The following SLC37A3 variants were observed in gnomAD, a reference collection of about 807,000 sequenced individuals.
SLC37A3 encodes solute carrier family 37 member 3.
Under a neutral mutation model 67.1 loss-of-function variants are expected in SLC37A3, and 51 were observed. The observed-to-expected ratio is 0.76, with a 90% CI of 0.61 to 0.96. The LOEUF (loss-of-function observed/expected upper bound fraction) is 0.96, where lower values mean the gene tolerates loss of function less well. Ranked by LOEUF, SLC37A3 falls within the 40% of genes least tolerant of loss-of-function variation. The pLI is 0.00. For missense variants in SLC37A3, 508 were observed against 603.0 expected (o/e 0.84, Z 1.65); for synonymous variants, 214 against 231.4 (o/e 0.92, Z 0.68).
chr7:140,367,367 C>T (rs1482535654), intron 4 of SLC37A3, among the ~76,000 whole-genome samples: 4 of 151,908 alleles, frequency 2.6e-5, no homozygotes, highest in Admixed American at 6.6e-5. Context: ...AACTAGGAGG[C>T]GGAGGTTGCA....
At chr7:140,382,695 T>C in intron 1 of SLC37A3, 99 bp from the exon 2 acceptor site, 2 of 535,440 alleles carry the variant, frequency 3.7e-6, no homozygotes, top group East Asian at 3.0e-5. Context: ...TCAGGCCTTG[T>C]GGGAAAAAAA....
intron 7 of SLC37A3, among the ~76,000 whole-genome samples, chr7:140,353,057 C>A (rs1205174913): frequency 3.3e-5 from 5 of 152,094 alleles, no homozygotes; most frequent in Non-Finnish European, 7.4e-5. Flanking sequence ...TTCTCACTGA[C>A]CCTAACTACA....
At position 140,335,503 on chromosome 7, in the gene SLC37A3, G is replaced by C. The variant is rs1217465175; in HGVS notation, c.1394C>G (p.Thr465Arg). Residue 465 changes from threonine to arginine, a missense_variant and splice_region_variant, in exon 15 of 15, where the codon ACA becomes AGA. Coordinates refer to ENST00000326232, the MANE Select transcript of SLC37A3 (RefSeq NM_207113.3). ...MWVFYFFILM[T>R]SCTIVFISPL... ...CGAGATAAACACAATTGTACAACTT[G>C]TCTGTAAAGAGAAAATAGTATTAAA... 6.2e-7 allele frequency: 1 copy of C among 1,612,970 alleles called. No homozygotes were observed. The highest frequency in any genetic ancestry group is 1.1e-5 in the South Asian group (1 of 91,082).
intron 4 of SLC37A3, among the ~76,000 whole-genome samples, chr7:140,368,399 C>T (rs889284698): frequency 1.8e-4 from 28 of 152,070 alleles, no homozygotes; most frequent in Non-Finnish European, 3.1e-4. Context: ...AACTCGGTCT[C>T]TACTAAAAAA....
At chr7:140,337,114 AAAAAAG>A (rs1218001176) in intron 14 of SLC37A3, among the ~76,000 whole-genome samples, 164 bp downstream of exon 14, 1 of 149,612 alleles carries the variant, frequency 6.7e-6, no homozygotes. Context: ...AAAAAAAAAA[AAAAAAG>A]AAGAAGAAGA....
At chr7:140,358,516 T>C in intron 6 of SLC37A3, 124 bp downstream of exon 6, 1 of 1,347,012 alleles carries the variant, frequency 7.4e-7, no homozygotes. Flanking sequence ...TGAACAACTC[T>C]GACTTGCTAA....
rs71170987 is a variant in SLC37A3 at position 140,375,174 on chromosome 7, C to CAA, written c.198+5106_198+5107dup. 2.6e-4 allele frequency among the ~76,000 whole-genome samples: 37 copies of CAA among 141,582 alleles called. 1 individual carries two copies. In the South Asian group the frequency reaches 6.4e-3, roughly 25 times the overall value. 92.9% of individuals were successfully genotyped at this position (141,582 alleles called of 152,430 possible). On this transcript the variant is annotated intron_variant, in intron 3 of 14. Transcript: ENST00000326232. ...GCCTCAAAAAAAAAACAAAAAACAA[C>CAA]AAAAAAAAAACAGGCTGGGTGCAGT...
intron 3 of SLC37A3, among the ~76,000 whole-genome samples, chr7:140,374,576 C>T (rs552337119): frequency 6.6e-6 from 1 of 151,982 alleles, no homozygotes; most frequent in Admixed American, 6.6e-5. Context: ...TAATCCAACA[C>T]TCTGGGAGGC....
chr7:140,352,059 C>T lies in SLC37A3; in HGVS notation c.703+3G>A. 3.7e-6 allele frequency: 6 copies of T among 1,610,064 alleles called. No homozygotes were observed. Among genetic ancestry groups the T allele is most frequent in the Non-Finnish European group, 5.1e-6 (6 of 1,178,240 alleles). ...CGGAATAGAAGGGGCGGCTTCTCCTCACCAATTTCTTCTGGTGACACCAGG... is the reference window on the plus strand; with the variant it reads ...CGGAATAGAAGGGGCGGCTTCTCCTTACCAATTTCTTCTGGTGACACCAGG... On this transcript the variant is annotated splice_donor_region_variant and intron_variant, in intron 8 of 14. Transcript: ENST00000326232.
In SLC37A3 at chr7:140,380,314, C is replaced by A. The variant is rs201974188; in HGVS notation, c.166G>T (p.Ala56Ser). The A allele has an allele frequency of 9.9e-5, 160 of 1,613,142 alleles. No individual in the cohort carries two copies. The highest frequency in any genetic ancestry group is 1.6e-4 in the Middle Eastern group (1 of 6,076). The change falls in exon 3 of 15, where the codon GCT becomes TCT. Residue 56 changes from alanine to serine, a missense_variant. By Grantham distance (99) the Ala-to-Ser change is moderately conservative. Coordinates refer to ENST00000326232, the MANE Select transcript of SLC37A3 (RefSeq NM_207113.3). ...VSISEQWTPS[A>S]FNTSVELPVE... ...GGCAGCTCAACTGACGTGTTAAAAGCACTTGGGGTCCACTGCTCAGAGATA... is the reference window on the plus strand; with the variant it reads ...GGCAGCTCAACTGACGTGTTAAAAGAACTTGGGGTCCACTGCTCAGAGATA...
chr7:140,376,698 A>G (rs1798044897), intron 3 of SLC37A3, among the ~76,000 whole-genome samples: 1 of 152,204 alleles, frequency 6.6e-6, no homozygotes, highest in Admixed American at 6.5e-5. Context: ...TTATGCATGA[A>G]GTTCTTTGCA....
At position 140,337,182 on chromosome 7, in the gene SLC37A3, T is replaced by G; in HGVS notation, c.1392+102A>C. 3 of 772,372 alleles carry G rather than the reference T, an allele frequency of 3.9e-6. No homozygotes were observed. In the South Asian group the frequency reaches 7.5e-5, roughly 19 times the overall value. 47.8% of individuals were successfully genotyped at this position (772,372 alleles called of 1,614,324 possible). On this transcript the variant is annotated intron_variant, in intron 14 of 14. Coordinates refer to ENST00000326232, the MANE Select transcript of SLC37A3 (RefSeq NM_207113.3). ...AAATGTTACTTTTCACAAAGGAGCC[T>G]TTAAAAGCAATCAACAGTTTTGCTG...
In SLC37A3 at chr7:140,378,457, G is replaced by A. The variant is rs192008705; in HGVS notation, c.198+1825C>T. ...CCATCTTTAAGATTTATGATTCTGG[G>A]CCGGGAGCGGTGGCTCACACCTGTA... On this transcript the variant is annotated intron_variant, in intron 3 of 14. Transcript: ENST00000326232. 3.6e-4 allele frequency among the ~76,000 whole-genome samples: 55 copies of A among 152,216 alleles called. 1 individual carries two copies. Among genetic ancestry groups the A allele is most frequent in the African/African-American group, 1.2e-3 (50 of 41,536 alleles).
At chr7:140,337,422 T>A in intron 13 of SLC37A3, 73 bp from the exon 14 acceptor site, 1 of 1,191,250 alleles carries the variant, frequency 8.4e-7, no homozygotes, top group Non-Finnish European at 1.2e-6. Context: ...AAAAGTAGAT[T>A]AAACATGGCT....
intron 5 of SLC37A3, among the ~76,000 whole-genome samples, chr7:140,362,155 T>G (rs1585304854): frequency 3.8e-5 from 5 of 132,794 alleles, no homozygotes; most frequent in Admixed American, 3.7e-4. Context: ...GAGCGCCTCT[T>G]CCCCGCCGCC....
chr7:140,382,082 A>C (rs1406588742), intron 2 of SLC37A3, among the ~76,000 whole-genome samples: 1 of 151,530 alleles, frequency 6.6e-6, no homozygotes, highest in Non-Finnish European at 1.5e-5. Flanking sequence ...AAAAAAATAG[A>C]TCAGGGCTTC....
intron 1 of SLC37A3, among the ~76,000 whole-genome samples, chr7:140,387,766 A>C (rs1218741051): frequency 1.3e-5 from 1 of 77,106 alleles, no homozygotes; most frequent in Non-Finnish European, 2.4e-5. Context: ...AATATATTAT[A>C]TATATTATAC....
At chr7:140,356,152 C>T (rs1168351344) in intron 6 of SLC37A3, among the ~76,000 whole-genome samples, 1 of 150,224 alleles carries the variant, frequency 6.7e-6, no homozygotes, top group Admixed American at 6.7e-5. Context: ...CGAGATCACG[C>T]CACTGCACTC....
intron 3 of SLC37A3, among the ~76,000 whole-genome samples, chr7:140,374,598 G>A (rs901535276): frequency 6.6e-6 from 1 of 151,976 alleles, no homozygotes; most frequent in African/African-American, 2.4e-5. Flanking sequence ...CAGGCAGGAC[G>A]ATCCCTTGAG....
Sources: gnomAD v4.1 joint callset for allele counts (sites outside exome capture counted in the v4.1 genomes callset) on GRCh38, gnomAD v4.1.1 for gene constraint, MANE v1.5 for transcripts, NCBI Gene and HGNC (gene_info 2026-07-23, HGNC 2026-07-21) for gene names.